Variants in CSMD1 observed in about 807,000 individuals in gnomAD.
CSMD1 encodes the protein CUB and Sushi multiple domains 1.
CSMD1 carries 213 observed loss-of-function variants against 417.5 expected under a neutral mutation model. The ratio of observed to expected loss-of-function variants is 0.51; its 90% CI spans 0.46 to 0.57. The LOEUF is 0.57. CSMD1 is among the 20% of genes least tolerant of loss of function. CSMD1 has a pLI of 0.00. For synonymous variants in CSMD1, 2,862 were observed against 1,736.8 expected (o/e 1.65, Z -16.11); for missense variants, 6,923 against 4,529.7 (o/e 1.53, Z -15.17).
At chr8:3,268,915 T>C (rs1259672700) in intron 26 of CSMD1, among the ~76,000 whole-genome samples, 8 of 152,178 alleles carry the variant, frequency 5.3e-5, no homozygotes, top group Admixed American at 2.0e-4. Flanking sequence ...ATAAGTGATA[T>C]TCCAGCTAGT....
chr8:3,662,765 C>CA (rs1461973199), intron 7 of CSMD1, among the ~76,000 whole-genome samples: 1 of 151,996 alleles, frequency 6.6e-6, no homozygotes, highest in African/African-American at 2.4e-5. Context: ...CGCATGTTCT[C>CA]ACTCATAAGT....
chr8:4,857,785 CAA>C (rs1166846854), intron 1 of CSMD1, among the ~76,000 whole-genome samples: 1 of 151,816 alleles, frequency 6.6e-6, no homozygotes, highest in Non-Finnish European at 1.5e-5. Context: ...GCTTACCAAC[CAA>C]AAAGAGTCCA....
intron 7 of CSMD1, among the ~76,000 whole-genome samples, chr8:3,663,525 G>C (rs1244692370): frequency 6.6e-6 from 1 of 152,150 alleles, no homozygotes; most frequent in Non-Finnish European, 1.5e-5. Context: ...ACAGGGAAAA[G>C]TCAAGCTGGA....
At chr8:3,922,116 CATT>C (rs1563214037) in intron 5 of CSMD1, among the ~76,000 whole-genome samples, 2 of 147,344 alleles carry the variant, frequency 1.4e-5, no homozygotes, top group Non-Finnish European at 3.0e-5. Context: ...ACCCCTTTAT[CATT>C]ATATTATGAC....
chr8:3,795,165 C>CCTAT (rs1799989740), intron 5 of CSMD1, among the ~76,000 whole-genome samples: 1 of 56,900 alleles, frequency 1.8e-5, no homozygotes, highest in Non-Finnish European at 3.6e-5. Flanking sequence ...GCTATAGATA[C>CCTAT]CTATCATGTA....
intron 3 of CSMD1, among the ~76,000 whole-genome samples, chr8:4,214,832 A>G (rs914292767): frequency 6.6e-6 from 1 of 152,202 alleles, no homozygotes; most frequent in South Asian, 2.1e-4. Flanking sequence ...ACAAATTTGA[A>G]ATAAAAAAAC....
chr8:4,976,614 G>C (rs1209351313), intron 1 of CSMD1, among the ~76,000 whole-genome samples: 1 of 152,142 alleles, frequency 6.6e-6, no homozygotes, highest in Non-Finnish European at 1.5e-5. Flanking sequence ...TTAAAGACAA[G>C]CACATTGTGT....
intron 7 of CSMD1, among the ~76,000 whole-genome samples, chr8:3,693,107 T>A (rs949435381): frequency 2.0e-5 from 3 of 152,056 alleles, no homozygotes; most frequent in African/African-American, 7.2e-5. Context: ...AATCAATACA[T>A]AGAGATAAAT....
At chr8:4,159,100 G>T (rs187337066) in intron 3 of CSMD1, among the ~76,000 whole-genome samples, 2 of 152,012 alleles carry the variant, frequency 1.3e-5, no homozygotes, top group South Asian at 4.2e-4. Flanking sequence ...ATTTTTAGTA[G>T]AGACGAGGCT....
At chr8:4,157,658 G>T (rs755712730) in intron 3 of CSMD1, among the ~76,000 whole-genome samples, 1 of 152,194 alleles carries the variant, frequency 6.6e-6, no homozygotes, top group Non-Finnish European at 1.5e-5. Flanking sequence ...TGTTATCTGG[G>T]CATGGGGTGA....
intron 5 of CSMD1, among the ~76,000 whole-genome samples, chr8:3,941,122 C>A (rs189091177): frequency 1.1e-3 from 170 of 151,986 alleles, no homozygotes; most frequent in South Asian, 4.6e-3. Context: ...AAAAATAACT[C>A]ATATGTATAC....
intron 5 of CSMD1, among the ~76,000 whole-genome samples, chr8:3,886,925 G>A (rs866907671): frequency 6.6e-6 from 1 of 152,064 alleles, no homozygotes; most frequent in African/African-American, 2.4e-5. Context: ...AATCATCAGG[G>A]GACTCAGGTC....
At chr8:4,073,245 T>C (rs1283525011) in intron 3 of CSMD1, among the ~76,000 whole-genome samples, 1 of 152,116 alleles carries the variant, frequency 6.6e-6, no homozygotes, top group Non-Finnish European at 1.5e-5. Flanking sequence ...GTGCATTAAA[T>C]GATGAGAAGG....
chr8:3,267,200 C>T (rs1801496806), intron 26 of CSMD1, among the ~76,000 whole-genome samples: 1 of 152,052 alleles, frequency 6.6e-6, no homozygotes, highest in Admixed American at 6.6e-5. Flanking sequence ...TCAGAATTCC[C>T]AGGTAACAGG....
At chr8:4,042,518 T>G (rs1585191924) in intron 3 of CSMD1, among the ~76,000 whole-genome samples, 1 of 151,968 alleles carries the variant, frequency 6.6e-6, no homozygotes, top group Non-Finnish European at 1.5e-5. Context: ...AGCCCGTCAC[T>G]AGCAGGCCCA....
chr8:4,591,004 G>T (rs561185614), intron 2 of CSMD1, among the ~76,000 whole-genome samples: 2 of 152,142 alleles, frequency 1.3e-5, no homozygotes, highest in Non-Finnish European at 2.9e-5. Context: ...CCTGTGGCCT[G>T]CCTTCTTCCC....
rs796686257 is a variant in CSMD1, at chr8:3,661,211, A to C, written c.1010-44414T>G. The stretch of plus-strand genomic sequence containing the variant: ...AACAGGCAGACAAGATTGAGAACCT[A>C]ATTTACGAGTATGCATCTGTAACAA... On this transcript the variant is annotated intron_variant, in intron 7 of 69. Transcript: ENST00000635120. Among the ~76,000 whole-genome samples, 6 of 152,268 alleles carry C rather than the reference A, an allele frequency of 3.9e-5. No individual in the cohort carries two copies. In the East Asian group the frequency reaches 1.2e-3, roughly 30 times the overall value.
rs968294931 is a variant in CSMD1 at position 4,092,390 on chromosome 8, G to A, written c.416-60291C>T. On this transcript the variant is annotated intron_variant, in intron 3 of 69. Transcript: ENST00000635120. ...CACCAGGGCTGCTGTGCTCTCCACC[G>A]TAAGGCAATGAACTTCATATTGGCT... is the stretch of plus-strand genomic sequence containing the variant. Among the ~76,000 whole-genome samples the A allele has an allele frequency of 3.3e-5, 5 of 152,176 alleles. No homozygotes were observed. In the East Asian group the frequency reaches 7.7e-4, roughly 23 times the overall value.
At chr8:3,862,169 A>G (rs1364018852) in intron 5 of CSMD1, among the ~76,000 whole-genome samples, 2 of 152,136 alleles carry the variant, frequency 1.3e-5, no homozygotes, top group African/African-American at 2.4e-5. Flanking sequence ...CCTTCTACCT[A>G]TACAACATCA....
Sources: allele counts gnomAD v4.1 joint callset (sites outside exome capture counted in the v4.1 genomes callset), GRCh38; gene constraint gnomAD v4.1.1; transcripts MANE v1.5; gene names NCBI Gene and HGNC (gene_info 2026-07-23, HGNC 2026-07-21).